The following PFN4 variants were observed in gnomAD, a reference collection of about 807,000 sequenced individuals.
PFN4 encodes the protein profilin-4.
A neutral mutation model predicts 16.3 loss-of-function variants in PFN4; 10 were observed. That is an observed-to-expected ratio of 0.61 (90% CI 0.38 to 1.04). The LOEUF is 1.04. Ranked by LOEUF, PFN4 falls within the 50% of genes least tolerant of loss-of-function variation. PFN4 has a pLI of 0.01. For missense variants in PFN4, 136 were observed against 153.6 expected (o/e 0.89, Z 0.61); for synonymous variants, 54 against 56.9 (o/e 0.95, Z 0.23).
At chr2:24,118,910 A>T (rs1001622513) in intron 4 of PFN4, among the ~76,000 whole-genome samples, 1 of 152,182 alleles carries the variant, frequency 6.6e-6, no homozygotes, top group Non-Finnish European at 1.5e-5. Flanking sequence ...AACTCCAGTA[A>T]ACTTTTTAAA....
chr2:24,119,501 T>C (rs1666027952), intron 4 of PFN4, 76 bp downstream of exon 4: 2 of 1,067,476 alleles, frequency 1.9e-6, no homozygotes, highest in African/African-American at 1.6e-5. Flanking sequence ...CTGGTTTGAG[T>C]TGGATCTCTG....
At chr2:24,121,849 G>C (rs1250166274) in intron 2 of PFN4, among the ~76,000 whole-genome samples, 1 of 152,134 alleles carries the variant, frequency 6.6e-6, no homozygotes, top group East Asian at 1.9e-4. Flanking sequence ...CTTCACCTCT[G>C]CCATGAGTGG....
At chr2:24,116,023 T>A (rs1209757118) in intron 4 of PFN4, among the ~76,000 whole-genome samples, 2 of 152,058 alleles carry the variant, frequency 1.3e-5, no homozygotes, top group Non-Finnish European at 2.9e-5. Context: ...ATGTATTCTA[T>A]GACCTAGACT....
intron 2 of PFN4, 110 bp downstream of exon 2, chr2:24,122,309 A>T: frequency 1.3e-6 from 1 of 795,766 alleles, no homozygotes; most frequent in East Asian, 2.5e-5. Context: ...CTAAGCAACA[A>T]GAGTGAAATT....
intron 3 of PFN4, 101 bp from the exon 4 acceptor site, chr2:24,119,783 G>T: frequency 3.8e-6 from 3 of 790,910 alleles, no homozygotes; most frequent in Non-Finnish European, 6.1e-6. Flanking sequence ...ATTTCCATAT[G>T]TTTGGAATAT....
At chr2:24,121,114 G>A (rs190913323) in intron 3 of PFN4, 49 bp downstream of exon 3, 3 of 1,602,820 alleles carry the variant, frequency 1.9e-6, no homozygotes, top group African/African-American at 2.7e-5. Flanking sequence ...GAAATTTGGA[G>A]GCAAATTCTT....
In PFN4 at chr2:24,121,202, T is replaced by G. The variant is rs142176262; in HGVS notation, c.216A>C (p.Arg72Ser). The G allele has an allele frequency of 2.6e-4, 423 of 1,614,070 alleles. No individual in the cohort carries two copies. The highest frequency in any genetic ancestry group is 4.0e-4 in the Admixed American group (24 of 60,004). ...EGLYFKGKDYRCVRADEYSLY... is the reference protein window; with the variant it reads ...EGLYFKGKDYSCVRADEYSLY... ...GAGAATATTCATCTGCCCGGACACATCTGTAATCTTTTCCCTTGAAATACA... is the reference window on the plus strand; with the variant it reads ...GAGAATATTCATCTGCCCGGACACAGCTGTAATCTTTTCCCTTGAAATACA... The change falls in exon 3 of 5, where the codon AGA becomes AGC. Residue 72 changes from arginine (R) to serine (S), a missense_variant. Physicochemically the swap from Arg to Ser is moderately radical, Grantham distance 110 (BLOSUM62 -1). Coordinates refer to ENST00000313213, the MANE Select transcript of PFN4 (RefSeq NM_199346.3).
Position 24,115,295 on chromosome 2 carries a change from A to G in PFN4, c.*288T>C, listed in dbSNP as rs1665878622. 1 of 387,744 alleles carries G rather than the reference A, an allele frequency of 2.6e-6. No homozygotes were observed. The highest frequency in any genetic ancestry group is 4.8e-6 in the Non-Finnish European group (1 of 209,198). 24.0% of individuals were successfully genotyped at this position (387,744 alleles called of 1,614,324 possible). On this transcript the variant is annotated 3_prime_UTR_variant, in exon 5 of 5. Coordinates refer to ENST00000313213, the MANE Select transcript of PFN4 (RefSeq NM_199346.3). ...TCTTGGCATACTTAGCAAGGTGTGT[A>G]GGAGTACAAGAGCCTCACAGAAAGG...
chr2:24,115,920 A>G (rs1665902175), intron 4 of PFN4, among the ~76,000 whole-genome samples: 1 of 152,014 alleles, frequency 6.6e-6, no homozygotes, highest in South Asian at 2.1e-4. Context: ...AAAAAAAAAA[A>G]AAAAAGGATG....
chr2:24,122,434 T>TGCTACG lies in PFN4; in HGVS notation c.101_102insCGTAGC (p.Val33_Ala34dup). On this transcript the variant is annotated inframe_insertion, in exon 2 of 5. Transcript: ENST00000313213. Reference sequence around the variant, plus strand: ...TTTTTCTTACATTGAAACCTGGTGATGCTACACACAAGCTCCGCTCCTGGA... The same window carrying TGCTACG: ...TTTTTCTTACATTGAAACCTGGTGATGCTACGGCTACACACAAGCTCCGCTCCTGGA... 6.2e-7 allele frequency: 1 copy of TGCTACG among 1,612,704 alleles called. No individual in the cohort carries two copies. The highest frequency in any genetic ancestry group is 1.1e-5 in the South Asian group (1 of 91,000).
At chr2:24,115,668 GATTC>G (rs1236084018) in intron 4 of PFN4, 57 bp from the exon 5 acceptor site, 1 of 1,552,722 alleles carries the variant, frequency 6.4e-7, no homozygotes, top group African/African-American at 1.4e-5. Flanking sequence ...CACTACAAAT[GATTC>G]ATTCATCCAT....
At position 24,115,449 on chromosome 2, in the gene PFN4, A is replaced by T; in HGVS notation, c.*134T>A. 1 of 702,860 alleles carries T rather than the reference A, an allele frequency of 1.4e-6. No homozygotes were observed. The highest frequency in any genetic ancestry group is 2.4e-6 in the Non-Finnish European group (1 of 420,530). 43.5% of individuals were successfully genotyped at this position (702,860 alleles called of 1,614,324 possible). On this transcript the variant is annotated 3_prime_UTR_variant, in exon 5 of 5. Transcript: ENST00000313213. ...GAAGAGGATCTCTGGAAGTAATAAA[A>T]ATTGCTCCCTTAATTCATTCTTCTT...
rs895339987 is a variant in PFN4 at position 24,115,382 on chromosome 2, A to C, written c.*201T>G. On this transcript the variant is annotated 3_prime_UTR_variant, in exon 5 of 5. Coordinates refer to ENST00000313213, the MANE Select transcript of PFN4 (RefSeq NM_199346.3). Reference sequence around the variant, plus strand: ...GCTCTCTCATTCCATGCCGATGACCAACACTTATTAAAAAACAGTTGATCA... The same window carrying C: ...GCTCTCTCATTCCATGCCGATGACCCACACTTATTAAAAAACAGTTGATCA... 1.2e-5 allele frequency: 7 copies of C among 578,666 alleles called. No homozygotes were observed. The highest frequency in any genetic ancestry group is 2.1e-5 in the Non-Finnish European group (7 of 326,010). 35.8% of individuals were successfully genotyped at this position (578,666 alleles called of 1,614,324 possible).
intron 2 of PFN4, among the ~76,000 whole-genome samples, chr2:24,121,534 T>C (rs1323285555): frequency 1.3e-5 from 2 of 152,230 alleles, no homozygotes. Context: ...TCACATTCAT[T>C]CTTTTATGTA....
intron 1 of PFN4, 166 bp downstream of exon 1, chr2:24,122,952 A>AGT (rs1178609178): frequency 6.4e-6 from 1 of 155,648 alleles, no homozygotes; most frequent in African/African-American, 2.4e-5. Flanking sequence ...CACGACTAAA[A>AGT]GAGATTATGC....
chr2:24,122,396 G>T, intron 2 of PFN4, 23 bp downstream of exon 2: 1 of 1,497,048 alleles, frequency 6.7e-7, no homozygotes, highest in Non-Finnish European at 9.3e-7. Flanking sequence ...TCAAGTCTTA[G>T]GTCCAAACTT....
At chr2:24,119,777 CCATATGT>C in intron 3 of PFN4, 95 bp from the exon 4 acceptor site, 1 of 864,112 alleles carries the variant, frequency 1.2e-6, no homozygotes, top group South Asian at 1.7e-5. Context: ...TTCCTGATTT[CCATATGT>C]TTGGAATATA....
At chr2:24,116,894 AG>A (rs1231725543) in intron 4 of PFN4, among the ~76,000 whole-genome samples, 6 of 118,466 alleles carry the variant, frequency 5.1e-5, no homozygotes, top group Admixed American at 7.6e-5. Context: ...AAAAAGAAAA[AG>A]AAAAACAGAA....
At chr2:24,119,973 G>C (rs937557099) in intron 3 of PFN4, among the ~76,000 whole-genome samples, 1 of 151,986 alleles carries the variant, frequency 6.6e-6, no homozygotes, top group Non-Finnish European at 1.5e-5. Flanking sequence ...ATCCCAATTA[G>C]AACAACTGAT....
Sources: gnomAD v4.1 joint callset for allele counts (sites outside exome capture counted in the v4.1 genomes callset) on GRCh38, gnomAD v4.1.1 for gene constraint, MANE v1.5 for transcripts, NCBI Gene and HGNC (gene_info 2026-07-23, HGNC 2026-07-21) for gene names.